HLCS: variants seen among roughly 807,000 people sequenced by gnomAD.
The protein encoded by HLCS is biotin--protein ligase.
A neutral mutation model predicts 75.0 loss-of-function variants in HLCS; 53 were observed. The ratio of observed to expected loss-of-function variants is 0.71; its 90% confidence interval spans 0.57 to 0.89. HLCS has a LOEUF of 0.89. Among genes scored for constraint, HLCS ranks in the 40% least tolerant of loss-of-function variants. HLCS has a pLI of 0.00. For synonymous variants in HLCS, 431 were observed against 428.6 expected, an observed-to-expected ratio of 1.01 and a Z score of -0.07; for missense variants, 966 against 1,074.0, an observed-to-expected ratio of 0.90 and a Z score of 1.41.
chr21:36,763,553 T>C (rs1301635515), intron 8 of HLCS, among the ~76,000 whole-genome samples: 2 of 152,156 alleles, frequency 1.3e-5, no homozygotes, highest in Admixed American at 6.5e-5. Context: ...CACAGAGGGA[T>C]TTAAGGGGCA....
intron 6 of HLCS, among the ~76,000 whole-genome samples, chr21:36,817,742 AAAG>A (rs2061705473): frequency 6.6e-6 from 1 of 152,366 alleles, no homozygotes; most frequent in Admixed American, 6.5e-5. Context: ...TATGCCTAAA[AAAG>A]AAGATTCTGT....
chr21:36,861,626 T>A (rs2063384868), intron 6 of HLCS, among the ~76,000 whole-genome samples: 1 of 152,220 alleles, frequency 6.6e-6, no homozygotes, highest in Non-Finnish European at 1.5e-5. Context: ...CTCCCACTTG[T>A]AAGTGAGAAC....
chr21:36,797,214 C>T (rs2061054242), intron 6 of HLCS, among the ~76,000 whole-genome samples: 1 of 152,048 alleles, frequency 6.6e-6, no homozygotes, highest in South Asian at 2.1e-4. Context: ...ATGGCTGTAC[C>T]ATCCAAAGAC....
chr21:36,925,667 A>C (rs2066371367), intron 5 of HLCS, among the ~76,000 whole-genome samples: 1 of 152,124 alleles, frequency 6.6e-6, no homozygotes, highest in African/African-American at 2.4e-5. Context: ...GCTCTGCCCC[A>C]CACACAGATT....
intron 1 of HLCS, chr21:36,986,897 TCTC>T (rs2069239122): frequency 6.6e-6 from 1 of 152,274 alleles, no homozygotes; most frequent in African/African-American, 2.4e-5. Flanking sequence ...TAGCTGGCAT[TCTC>T]CTCTTCTACC....
chr21:36,799,198 T>C (rs962525395), intron 6 of HLCS, among the ~76,000 whole-genome samples: 2 of 152,196 alleles, frequency 1.3e-5, no homozygotes, highest in Admixed American at 1.3e-4. Flanking sequence ...CCATATGGTG[T>C]CATGTAACAG....
At chr21:36,915,138 G>A (rs2065880533) in intron 5 of HLCS, among the ~76,000 whole-genome samples, 1 of 152,228 alleles carries the variant, frequency 6.6e-6, no homozygotes, top group Non-Finnish European at 1.5e-5. Context: ...TCTTGTGGGG[G>A]CAGGGGACTC....
chr21:36,800,245 T>C (rs1253604412), intron 6 of HLCS, among the ~76,000 whole-genome samples: 2 of 152,118 alleles, frequency 1.3e-5, no homozygotes, highest in African/African-American at 4.8e-5. Flanking sequence ...AGCAGAAACA[T>C]ATGTTTTCAT....
chr21:36,905,019 T>C (rs2835530), intron 5 of HLCS, among the ~76,000 whole-genome samples: 28,655 of 152,170 alleles, frequency 0.19, 2,885 homozygotes, highest in Middle Eastern at 0.29. Context: ...GTCACTTCTA[T>C]AGGGAGGATG....
intron 6 of HLCS, among the ~76,000 whole-genome samples, chr21:36,847,060 T>C (rs531012475): frequency 6.6e-6 from 1 of 152,288 alleles, no homozygotes; most frequent in African/African-American, 2.4e-5. Flanking sequence ...TTAAAATCTC[T>C]CCTTTTGTAA....
At chr21:36,988,278 A>G (rs1407734405) in intron 1 of HLCS, among the ~76,000 whole-genome samples, 1 of 151,848 alleles carries the variant, frequency 6.6e-6, no homozygotes, top group Non-Finnish European at 1.5e-5. Context: ...AAATAAGGAG[A>G]TACTTGAATG....
intron 6 of HLCS, among the ~76,000 whole-genome samples, chr21:36,843,682 T>A (rs1283144925): frequency 2.6e-5 from 4 of 152,104 alleles, no homozygotes; most frequent in African/African-American, 9.7e-5. Context: ...AACAAAAGTT[T>A]CTGAAATTCT....
chr21:36,757,804 G>A (rs1304105722), intron 9 of HLCS, among the ~76,000 whole-genome samples: 3 of 152,190 alleles, frequency 2.0e-5, no homozygotes, highest in African/African-American at 7.2e-5. Context: ...AGTTGCTCAC[G>A]TATTCATTCA....
At chr21:36,767,375 A>G (rs2090077576) in intron 6 of HLCS, 90 bp from the exon 7 acceptor site, 4 of 1,292,196 alleles carry the variant, frequency 3.1e-6, no homozygotes, top group Non-Finnish European at 4.5e-6. Context: ...GTTTGCATGC[A>G]TCTGGGGGTG....
At chr21:36,920,082 A>G (rs2066097616) in intron 5 of HLCS, among the ~76,000 whole-genome samples, 1 of 152,168 alleles carries the variant, frequency 6.6e-6, no homozygotes. Flanking sequence ...CTGTGAGGCC[A>G]AGTACTTTGG....
intron 6 of HLCS, among the ~76,000 whole-genome samples, chr21:36,828,893 C>G (rs2062102151): frequency 6.6e-6 from 1 of 152,132 alleles, no homozygotes; most frequent in Non-Finnish European, 1.5e-5. Context: ...ATTTTTGAAC[C>G]ACCCATGGGA....
intron 5 of HLCS, among the ~76,000 whole-genome samples, chr21:36,900,039 A>G (rs969189332): frequency 6.6e-6 from 1 of 152,212 alleles, no homozygotes; most frequent in African/African-American, 2.4e-5. Flanking sequence ...CAGGAGGCAG[A>G]GGTTGCAGTG....
intron 6 of HLCS, among the ~76,000 whole-genome samples, chr21:36,819,963 C>A (rs572064937): frequency 5.2e-4 from 79 of 152,280 alleles, no homozygotes; most frequent in African/African-American, 1.9e-3. Flanking sequence ...TAAAAAAGAG[C>A]CATCCTACCT....
intron 6 of HLCS, among the ~76,000 whole-genome samples, chr21:36,777,738 C>T (rs964604870): frequency 2.2e-4 from 33 of 152,200 alleles, no homozygotes; most frequent in African/African-American, 7.5e-4. Context: ...TACATGGAAG[C>T]GATATTGTGA....
Sources: gnomAD v4.1 joint callset for allele counts (sites outside exome capture counted in the v4.1 genomes callset) on GRCh38, gnomAD v4.1.1 for gene constraint, MANE v1.5 for transcripts, NCBI Gene and HGNC (gene_info 2026-07-23, HGNC 2026-07-21) for gene names.